The following APPBP2 variants were observed in gnomAD, a reference collection of about 807,000 sequenced individuals.
The protein encoded by APPBP2 is amyloid protein-binding protein 2.
Under a neutral mutation model 76.0 loss-of-function variants are expected in APPBP2, and 15 were observed. The observed-to-expected ratio is 0.20, with a 90% CI of 0.13 to 0.30. APPBP2 has a LOEUF of 0.30. Ranked by LOEUF, APPBP2 falls within the 10% of genes least tolerant of loss-of-function variation. The probability of loss-of-function intolerance (pLI) is 1.00; values close to 1 mark genes in which losing one functional copy is unlikely to be tolerated. For synonymous variants in APPBP2, 222 were observed against 242.2 expected (o/e 0.92, Z 0.77); for missense variants, 401 against 687.2 (o/e 0.58, Z 4.66).
At chr17:60,476,577 G>C (rs2090592735) in intron 4 of APPBP2, among the ~76,000 whole-genome samples, 2 of 152,078 alleles carry the variant, frequency 1.3e-5, no homozygotes. Context: ...AAGGTTAGTT[G>C]AATAGAGGCA....
chr17:60,510,151 C>T (rs529453137), intron 1 of APPBP2, among the ~76,000 whole-genome samples: 3 of 152,186 alleles, frequency 2.0e-5, no homozygotes, highest in South Asian at 4.1e-4. Flanking sequence ...ACCTGTAATC[C>T]CAGCAATTTG....
chr17:60,521,981 T>G (rs1351570999), intron 1 of APPBP2, among the ~76,000 whole-genome samples: 1 of 152,134 alleles, frequency 6.6e-6, no homozygotes, highest in African/African-American at 2.4e-5. Context: ...CTAAGAACAA[T>G]AGGCTATCCC....
chr17:60,490,969 T>C (rs773997056), intron 3 of APPBP2, among the ~76,000 whole-genome samples: 5 of 152,038 alleles, frequency 3.3e-5, no homozygotes, highest in Non-Finnish European at 7.4e-5. Context: ...AGCATGAAAA[T>C]GAACTAATAA....
intron 3 of APPBP2, among the ~76,000 whole-genome samples, chr17:60,489,023 C>T (rs893776196): frequency 1.3e-5 from 2 of 149,202 alleles, no homozygotes; most frequent in Non-Finnish European, 3.0e-5. Context: ...GAGTTTGAGA[C>T]CAGCCTGCCC....
intron 1 of APPBP2, among the ~76,000 whole-genome samples, chr17:60,506,733 CT>C (rs202049847): frequency 6.6e-6 from 1 of 152,166 alleles, no homozygotes; most frequent in African/African-American, 2.4e-5. Context: ...TCAATATTTT[CT>C]TTTTTAAAAA....
rs748159221 is a variant in APPBP2, at chr17:60,461,898, T to G, written c.848A>C (p.Lys283Thr). 1.2e-6 allele frequency: 2 copies of G among 1,613,098 alleles called. No individual in the cohort carries two copies. Among genetic ancestry groups the G allele is most frequent in the Non-Finnish European group, 1.7e-6 (2 of 1,179,384 alleles). The change falls in exon 8 of 13, where the codon AAA (lysine) becomes ACA (threonine). Residue 283 changes from lysine (K) to threonine (T), a missense_variant. Lys to Thr is a moderately conservative substitution (Grantham distance 78, BLOSUM62 -1). Coordinates refer to ENST00000083182, the MANE Select transcript of APPBP2 (RefSeq NM_006380.5). Reference protein sequence around the residue: ...VYLARDHFGSKHPKYSDTLLD... With the variant: ...VYLARDHFGSTHPKYSDTLLD... ...CAGTGTATCAGAATATTTTGGGTGT[T>G]TGGATCCAAAATGATCCCTATAAAA...
At position 60,525,645 on chromosome 17, in the gene APPBP2, A is replaced by C. The variant is rs1179346843; in HGVS notation, c.138+149T>G. 13 of 1,234,218 alleles carry C rather than the reference A, an allele frequency of 1.1e-5. No homozygotes were observed. In the Admixed American group the frequency reaches 2.0e-4, roughly 19 times the overall value. The allele number at this position is 1,234,218 out of a possible 1,614,324, so 76.5% of individuals were successfully genotyped here. The stretch of plus-strand genomic sequence containing the variant: ...GCATAGGGAGATGGGGTGCTTCTCC[A>C]CTGGCAATGCAGACACCGCACCAGA... On this transcript the variant is annotated intron_variant, in intron 1 of 12. Coordinates refer to ENST00000083182, the MANE Select transcript of APPBP2 (RefSeq NM_006380.5).
intron 3 of APPBP2, 94 bp downstream of exon 3, chr17:60,494,372 T>C (rs1028758590): frequency 2.1e-5 from 30 of 1,412,696 alleles, no homozygotes; most frequent in Admixed American, 9.1e-5. Flanking sequence ...CCTTCTTACG[T>C]AGACTTTGGG....
chr17:60,521,813 T>A (rs1210938073), intron 1 of APPBP2, among the ~76,000 whole-genome samples: 1 of 152,212 alleles, frequency 6.6e-6, no homozygotes, highest in Non-Finnish European at 1.5e-5. Context: ...CTATCGTTAT[T>A]GTATTTTATG....
intron 1 of APPBP2, among the ~76,000 whole-genome samples, chr17:60,520,889 A>G (rs2091005190): frequency 6.6e-6 from 1 of 152,134 alleles, no homozygotes; most frequent in African/African-American, 2.4e-5. Flanking sequence ...GAATAAGAAC[A>G]CAGCCCCGTC....
At chr17:60,477,851 A>C (rs953970255) in intron 4 of APPBP2, among the ~76,000 whole-genome samples, 1 of 151,856 alleles carries the variant, frequency 6.6e-6, no homozygotes, top group Admixed American at 6.6e-5. Context: ...TTAAAGCAAC[A>C]ATAATCTGGC....
chr17:60,504,898 C>T (rs1420811041), intron 1 of APPBP2, among the ~76,000 whole-genome samples: 1 of 152,136 alleles, frequency 6.6e-6, no homozygotes, highest in African/African-American at 2.4e-5. Flanking sequence ...GAAACCTGTG[C>T]ATCTCATTCA....
intron 1 of APPBP2, among the ~76,000 whole-genome samples, chr17:60,519,446 C>T (rs1259277845): frequency 6.7e-6 from 1 of 148,764 alleles, no homozygotes; most frequent in Non-Finnish European, 1.5e-5. Context: ...TCGGTCTCTA[C>T]AAAAAAAAAA....
intron 3 of APPBP2, among the ~76,000 whole-genome samples, chr17:60,481,484 A>G (rs1052309553): frequency 9.2e-5 from 14 of 152,212 alleles, no homozygotes; most frequent in African/African-American, 3.4e-4. Context: ...GAAATGAACT[A>G]TTCAGATATA....
chr17:60,475,179 G>A (rs931772235), intron 4 of APPBP2, among the ~76,000 whole-genome samples: 3 of 151,932 alleles, frequency 2.0e-5, no homozygotes, highest in East Asian at 1.9e-4. Context: ...GCAGTGAGCC[G>A]CGATCACACC....
rs1277767692 is a variant in APPBP2 at position 60,507,154 on chromosome 17, A to G, written c.139-6667T>C. Among the ~76,000 whole-genome samples the G allele has an allele frequency of 3.9e-5, 6 of 152,148 alleles. No homozygotes were observed. In the East Asian group the frequency reaches 1.2e-3, roughly 29 times the overall value. ...TGGGGTGTGGGCTTCAAGTGAACCCATACCCAAGTAGCAAAACAGTACCCA... is the reference window on the plus strand; with the variant it reads ...TGGGGTGTGGGCTTCAAGTGAACCCGTACCCAAGTAGCAAAACAGTACCCA... On this transcript the variant is annotated intron_variant, in intron 1 of 12. Transcript: ENST00000083182.
chr17:60,485,137 T>A (rs992442419), intron 3 of APPBP2, among the ~76,000 whole-genome samples: 1 of 152,214 alleles, frequency 6.6e-6, no homozygotes, highest in Admixed American at 6.5e-5. Flanking sequence ...TTCGCATCGA[T>A]GTTCATCAGG....
chr17:60,457,108 A>T (rs1387151564), intron 9 of APPBP2, among the ~76,000 whole-genome samples: 1 of 149,178 alleles, frequency 6.7e-6, no homozygotes, highest in Non-Finnish European at 1.5e-5. Context: ...GTACTCCAGC[A>T]TGAGTGACAA....
At chr17:60,506,907 G>A (rs1443010424) in intron 1 of APPBP2, among the ~76,000 whole-genome samples, 2 of 152,094 alleles carry the variant, frequency 1.3e-5, no homozygotes, top group African/African-American at 4.8e-5. Context: ...GTGGTGGCGG[G>A]TGCCTGTAGT....
Sources: allele counts gnomAD v4.1 joint callset (sites outside exome capture counted in the v4.1 genomes callset), GRCh38; gene constraint gnomAD v4.1.1; transcripts MANE v1.5; gene names NCBI Gene and HGNC (gene_info 2026-07-23, HGNC 2026-07-21).